RSRC1: variants seen among roughly 807,000 people sequenced by gnomAD.
The protein encoded by RSRC1 is serine/Arginine-related protein 53.
A neutral mutation model predicts 49.1 loss-of-function variants in RSRC1; 39 were observed. The observed-to-expected ratio is 0.79, with a 90% CI of 0.61 to 1.04. The LOEUF (loss-of-function observed/expected upper bound fraction) is 1.04, where lower values mean the gene tolerates loss of function less well. RSRC1 is among the 50% of genes least tolerant of loss of function. The pLI is 0.00. For missense variants in RSRC1, 388 were observed against 402.4 expected (o/e 0.96, Z 0.31); for synonymous variants, 143 against 130.8 (o/e 1.09, Z -0.63).
At chr3:158,515,339 A>G (rs993769478) in intron 7 of RSRC1, among the ~76,000 whole-genome samples, 20 of 137,908 alleles carry the variant, frequency 1.5e-4, no homozygotes, top group Admixed American at 6.6e-4. Context: ...AAAGTATTTT[A>G]TTTCTCCTTC....
At chr3:158,391,754 G>C (rs1733310353) in intron 6 of RSRC1, among the ~76,000 whole-genome samples, 1 of 152,086 alleles carries the variant, frequency 6.6e-6, no homozygotes, top group Non-Finnish European at 1.5e-5. Flanking sequence ...AAAAATAATA[G>C]AGTGGTACGT....
At chr3:158,163,670 C>G (rs1396784725) in intron 3 of RSRC1, among the ~76,000 whole-genome samples, 1 of 151,742 alleles carries the variant, frequency 6.6e-6, no homozygotes, top group East Asian at 1.9e-4. Context: ...CTCTGAGTGT[C>G]AAGGAGTACA....
chr3:158,152,758 C>T (rs1578139885), intron 3 of RSRC1, among the ~76,000 whole-genome samples: 1 of 152,116 alleles, frequency 6.6e-6, no homozygotes, highest in Admixed American at 6.6e-5. Flanking sequence ...AAAAATTGAT[C>T]CTGTAGTCTT....
intron 4 of RSRC1, among the ~76,000 whole-genome samples, chr3:158,253,522 GA>G: frequency 6.6e-6 from 1 of 152,214 alleles, no homozygotes; most frequent in Non-Finnish European, 1.5e-5. Flanking sequence ...TCCATGAGCT[GA>G]GGAGAAGAGT....
chr3:158,417,999 T>C (rs1734838690), intron 6 of RSRC1, among the ~76,000 whole-genome samples: 1 of 151,946 alleles, frequency 6.6e-6, no homozygotes, highest in Non-Finnish European at 1.5e-5. Flanking sequence ...AAGAGAACTA[T>C]AAGTTTTGCA....
intron 4 of RSRC1, chr3:158,276,528 C>T: frequency 1.8e-6 from 1 of 551,178 alleles, no homozygotes; most frequent in East Asian, 3.0e-5. Flanking sequence ...TTTTCTCAAA[C>T]TCTCAGTTTG....
At chr3:158,183,177 AAATT>A (rs1719727912) in intron 3 of RSRC1, among the ~76,000 whole-genome samples, 1 of 152,142 alleles carries the variant, frequency 6.6e-6, no homozygotes. Flanking sequence ...CCTTCTATTT[AAATT>A]ATCCATAAGG....
At chr3:158,488,194 T>C (rs1414888334) in intron 7 of RSRC1, among the ~76,000 whole-genome samples, 1 of 152,070 alleles carries the variant, frequency 6.6e-6, no homozygotes, top group South Asian at 2.1e-4. Context: ...TCTTGTCTTT[T>C]TATATATGTG....
intron 8 of RSRC1, among the ~76,000 whole-genome samples, chr3:158,540,385 T>A (rs1712969211): frequency 1.3e-5 from 2 of 152,198 alleles, no homozygotes; most frequent in Admixed American, 1.3e-4. Context: ...GTCATAAGCA[T>A]CTTAACATTT....
chr3:158,497,441 AT>A (rs537452822), intron 7 of RSRC1, among the ~76,000 whole-genome samples: 267 of 118,500 alleles, frequency 2.3e-3, no homozygotes, highest in Middle Eastern at 9.3e-3. Context: ...CCATTGTATC[AT>A]TTTTTTTTTT....
chr3:158,283,881 CT>C (rs11339826), intron 4 of RSRC1, among the ~76,000 whole-genome samples: 101,599 of 147,916 alleles, frequency 0.69, 35,101 homozygotes, highest in East Asian at 0.84. Flanking sequence ...CATTTGTTTT[CT>C]TTTTTTTTTT....
intron 6 of RSRC1, among the ~76,000 whole-genome samples, chr3:158,390,731 G>T (rs939373414): frequency 1.3e-5 from 2 of 152,100 alleles, no homozygotes; most frequent in Non-Finnish European, 2.9e-5. Flanking sequence ...ATTCATCAAA[G>T]AAAATGGTTA....
chr3:158,422,513 G>A (rs1376626406), intron 6 of RSRC1, among the ~76,000 whole-genome samples: 2 of 150,972 alleles, frequency 1.3e-5, no homozygotes, highest in Non-Finnish European at 3.0e-5. Flanking sequence ...CTTTGCTATT[G>A]TGAATAATGC....
intron 3 of RSRC1, among the ~76,000 whole-genome samples, chr3:158,168,456 A>C (rs1718666812): frequency 6.6e-6 from 1 of 152,230 alleles, no homozygotes; most frequent in Admixed American, 6.5e-5. Flanking sequence ...CATACGTACC[A>C]ATAGGAGAAC....
At chr3:158,195,937 C>G (rs1720578085) in intron 3 of RSRC1, among the ~76,000 whole-genome samples, 1 of 151,910 alleles carries the variant, frequency 6.6e-6, no homozygotes, top group Admixed American at 6.6e-5. Context: ...AGCGTGATGC[C>G]TCCAGCTTTG....
At chr3:158,248,662 A>G (rs1724040800) in intron 4 of RSRC1, among the ~76,000 whole-genome samples, 2 of 149,768 alleles carry the variant, frequency 1.3e-5, no homozygotes, top group Admixed American at 1.3e-4. Flanking sequence ...CAGTAATGTG[A>G]TCTTGGCTCA....
At chr3:158,353,135 C>T (rs759273254) in intron 5 of RSRC1, among the ~76,000 whole-genome samples, 7 of 152,054 alleles carry the variant, frequency 4.6e-5, no homozygotes, top group Non-Finnish European at 1.0e-4. Flanking sequence ...TCTGTGTTGT[C>T]CTGTTTGACC....
intron 4 of RSRC1, among the ~76,000 whole-genome samples, chr3:158,261,874 C>T (rs909545594): frequency 2.0e-5 from 3 of 152,160 alleles, no homozygotes; most frequent in African/African-American, 7.2e-5. Context: ...GTAATTATTT[C>T]ATTATATATG....
At chr3:158,136,853 C>T (rs966134887) in intron 3 of RSRC1, 4 of 152,144 alleles carry the variant, frequency 2.6e-5, no homozygotes, top group African/African-American at 7.2e-5. Flanking sequence ...GAAAGTGAGC[C>T]GTTTGCTTGA....
Sources: gnomAD v4.1 joint callset for allele counts (sites outside exome capture counted in the v4.1 genomes callset) on GRCh38, gnomAD v4.1.1 for gene constraint, MANE v1.5 for transcripts, NCBI Gene and HGNC (gene_info 2026-07-23, HGNC 2026-07-21) for gene names.